UGT1A10: variants seen among roughly 807,000 people sequenced by gnomAD.
The protein encoded by UGT1A10 is UDP-glucuronosyltransferase 1A10.
In UGT1A10, 49 loss-of-function variants were observed where a neutral mutation model predicts 45.8. The observed-to-expected ratio is 1.07, with a 90% CI of 0.85 to 1.36. UGT1A10 has a LOEUF of 1.36. Ranked by LOEUF, UGT1A10 falls within the 40% of genes most tolerant of loss-of-function variation. The pLI is 0.00. For synonymous variants in UGT1A10, 284 were observed against 249.7 expected (o/e 1.14, Z -1.29); for missense variants, 745 against 668.6 (o/e 1.11, Z -1.26).
At chr2:233,651,131 A>G (rs28969695) in intron 1 of UGT1A10, among the ~76,000 whole-genome samples, 4,571 of 152,296 alleles carry the variant, frequency 0.03, 209 homozygotes, top group African/African-American at 0.1. Flanking sequence ...AGGAGATGCA[A>G]GCCTCTACAA....
chr2:233,768,483 T>A (rs373208475), intron 4 of UGT1A10, 44 bp downstream of exon 4: 16 of 1,586,602 alleles, frequency 1.0e-5, no homozygotes, highest in Non-Finnish European at 1.4e-5. Flanking sequence ...ATGGCATTCA[T>A]GATAAAATTG....
At chr2:233,696,371 G>A (rs1260182364) in intron 1 of UGT1A10, among the ~76,000 whole-genome samples, 2 of 151,972 alleles carry the variant, frequency 1.3e-5, no homozygotes, top group African/African-American at 4.8e-5. Context: ...TTATTCCTAG[G>A]TATTATATAT....
chr2:233,744,228 G>A (rs1189849107), intron 1 of UGT1A10, among the ~76,000 whole-genome samples: 1 of 151,768 alleles, frequency 6.6e-6, no homozygotes, highest in Non-Finnish European at 1.5e-5. Flanking sequence ...GAAAAGAGAG[G>A]GCCTTGACTT....
At chr2:233,743,602 G>T in intron 1 of UGT1A10, 1 of 1,367,274 alleles carries the variant, frequency 7.3e-7, no homozygotes, top group Non-Finnish European at 9.8e-7. Context: ...GGTCCTGGCC[G>T]CCGAAGAACT....
chr2:233,757,535 A>AATAT (rs67292694), intron 1 of UGT1A10, among the ~76,000 whole-genome samples: 4,411 of 88,266 alleles, frequency 0.05, 328 homozygotes, highest in Non-Finnish European at 0.062. Context: ...GCCTGTAAGG[A>AATAT]ATATATATAT....
chr2:233,747,900 C>T (rs1242605128), intron 1 of UGT1A10: 22 of 1,613,554 alleles, frequency 1.4e-5, no homozygotes, highest in Middle Eastern at 3.3e-4. Flanking sequence ...TCTTTCTGCT[C>T]CTTATGCAAG....
chr2:233,709,243 A>C (rs2125614867), intron 1 of UGT1A10, among the ~76,000 whole-genome samples: 1 of 152,276 alleles, frequency 6.6e-6, no homozygotes, highest in South Asian at 2.1e-4. Context: ...GGCCGCTGGG[A>C]TGAGATAGGA....
chr2:233,684,461 T>A (rs2074680771), intron 1 of UGT1A10, among the ~76,000 whole-genome samples: 2 of 152,162 alleles, frequency 1.3e-5, no homozygotes, highest in South Asian at 4.1e-4. Flanking sequence ...TCTGAACCCA[T>A]GCTGAGTTTG....
chr2:233,674,843 A>G (rs1323786544), intron 1 of UGT1A10, among the ~76,000 whole-genome samples: 2 of 152,208 alleles, frequency 1.3e-5, no homozygotes, highest in African/African-American at 4.8e-5. Flanking sequence ...ATATGGCCCA[A>G]CCACAGAAGT....
intron 1 of UGT1A10, among the ~76,000 whole-genome samples, chr2:233,646,617 T>G (rs911858541): frequency 6.0e-5 from 9 of 149,288 alleles, no homozygotes; most frequent in Non-Finnish European, 1.2e-4. Flanking sequence ...ATGCTGCCAG[T>G]CTCTTTGCTA....
At chr2:233,670,522 A>G (rs999766820) in intron 1 of UGT1A10, among the ~76,000 whole-genome samples, 3 of 152,184 alleles carry the variant, frequency 2.0e-5, no homozygotes, top group Non-Finnish European at 4.4e-5. Context: ...GCCTTTGCCA[A>G]ACTGTTTAAT....
At chr2:233,758,949 A>G (rs1697026086) in intron 1 of UGT1A10, among the ~76,000 whole-genome samples, 1 of 152,184 alleles carries the variant, frequency 6.6e-6, no homozygotes, top group Non-Finnish European at 1.5e-5. Flanking sequence ...AGTCATCAGA[A>G]TTTCCCCAAA....
intron 1 of UGT1A10, chr2:233,729,704 A>T (rs759605345): frequency 1.2e-6 from 2 of 1,613,894 alleles, no homozygotes; most frequent in Non-Finnish European, 1.7e-6. Context: ...CCTTCCTCCT[A>T]TATTCCTAGA....
At position 233,772,297 on chromosome 2, in the gene UGT1A10, A is replaced by G; in HGVS notation, c.1331A>G (p.His444Arg). ...AACATCATGCGCCTCTCCAGCCTTC[A>G]CAAGGACCGCCCGGTGGAGCCGCTG... is the stretch of plus-strand genomic sequence containing the variant. ...KENIMRLSSL[H>R]KDRPVEPLDL... Residue 444 changes from histidine to arginine, a missense_variant, in exon 5 of 5, where the codon CAC becomes CGC. Coordinates refer to ENST00000344644, the MANE Select transcript of UGT1A10 (RefSeq NM_019075.4). The G allele has an allele frequency of 1.2e-6, 2 of 1,614,224 alleles. No homozygotes were observed. The highest frequency in any genetic ancestry group is 1.7e-6 in the Non-Finnish European group (2 of 1,180,032).
intron 1 of UGT1A10, among the ~76,000 whole-genome samples, chr2:233,669,084 C>T (rs1308536861): frequency 6.6e-6 from 1 of 152,216 alleles, no homozygotes; most frequent in Non-Finnish European, 1.5e-5. Context: ...GGATACCCAA[C>T]TGTTGAAGAG....
intron 1 of UGT1A10, among the ~76,000 whole-genome samples, chr2:233,745,761 A>G (rs1420009294): frequency 2.7e-5 from 4 of 149,168 alleles, no homozygotes; most frequent in African/African-American, 1.0e-4. Flanking sequence ...GAAGGGGTGG[A>G]GAGGAGGAAT....
At chr2:233,740,990 G>A (rs1192365077) in intron 1 of UGT1A10, 1 of 151,728 alleles carries the variant, frequency 6.6e-6, no homozygotes, top group East Asian at 1.9e-4. Context: ...GGAATGCTGA[G>A]GAGGAAGGAT....
chr2:233,682,765 C>A lies in UGT1A10; in HGVS notation c.855+45388C>A, dbSNP rs141393523. The A allele has an allele frequency of 3.5e-3, 5,647 of 1,613,716 alleles. 18 individuals are homozygous for A. The highest frequency in any genetic ancestry group is 4.4e-3 in the Non-Finnish European group (5,243 of 1,179,658). ...ATATGATCTTCATTGGTGGTATCAA[C>A]TGTCATCAGGGAAAGCCAGTGCCTA... On this transcript the variant is annotated intron_variant, in intron 1 of 4. Transcript: ENST00000344644.
intron 1 of UGT1A10, chr2:233,719,445 C>T: frequency 6.2e-7 from 1 of 1,613,958 alleles, no homozygotes; most frequent in Non-Finnish European, 8.5e-7. Context: ...GACATTCCTG[C>T]AAAGGGTCAA....
Sources: gnomAD v4.1 joint callset for allele counts (sites outside exome capture counted in the v4.1 genomes callset) on GRCh38, gnomAD v4.1.1 for gene constraint, MANE v1.5 for transcripts, NCBI Gene and HGNC (gene_info 2026-07-23, HGNC 2026-07-21) for gene names.